CPE: variants seen among roughly 807,000 people sequenced by gnomAD.
The protein encoded by CPE is carbocypeptidase E.
A neutral mutation model predicts 53.5 loss-of-function variants in CPE; 17 were observed. The observed-to-expected ratio is 0.32, with a 90% CI of 0.22 to 0.48. The LOEUF (loss-of-function observed/expected upper bound fraction) is 0.48, where lower values mean the gene tolerates loss of function less well. CPE is among the 20% of genes least tolerant of loss of function. CPE has a pLI of 0.99. For synonymous variants in CPE, 226 were observed against 228.8 expected, an observed-to-expected ratio of 0.99 and a Z score of 0.11; for missense variants, 524 against 614.7, an observed-to-expected ratio of 0.85 and a Z score of 1.56.
intron 1 of CPE, among the ~76,000 whole-genome samples, chr4:165,435,326 G>A (rs1247175400): frequency 6.6e-6 from 1 of 152,042 alleles, no homozygotes; most frequent in Non-Finnish European, 1.5e-5. Flanking sequence ...AAGTTGAAAT[G>A]CTAATGCCTT....
At chr4:165,495,999 C>G (rs2126719628) in intron 8 of CPE, among the ~76,000 whole-genome samples, 1 of 152,052 alleles carries the variant, frequency 6.6e-6, no homozygotes, top group East Asian at 1.9e-4. Context: ...AGCGCAGTGC[C>G]TTTCTCAATA....
chr4:165,410,963 A>G (rs185334389), intron 1 of CPE, among the ~76,000 whole-genome samples: 2 of 152,244 alleles, frequency 1.3e-5, no homozygotes, highest in African/African-American at 4.8e-5. Context: ...TAATTTCATG[A>G]CTATATTAGT....
chr4:165,448,143 T>C (rs1211657159), intron 1 of CPE, among the ~76,000 whole-genome samples: 2 of 152,196 alleles, frequency 1.3e-5, no homozygotes. Flanking sequence ...CCCACTATTA[T>C]AAAGAATAAG....
chr4:165,467,985 G>T, intron 3 of CPE, 130 bp downstream of exon 3: 1 of 1,037,092 alleles, frequency 9.6e-7, no homozygotes, highest in Non-Finnish European at 1.4e-6. Context: ...GTGGCTTTAA[G>T]TCAAGGCTGG....
chr4:165,473,211 G>T (rs1368100819), intron 3 of CPE, among the ~76,000 whole-genome samples: 1 of 152,098 alleles, frequency 6.6e-6, no homozygotes, highest in African/African-American at 2.4e-5. Context: ...TGGACTTTCT[G>T]ATTTGTCCCA....
chr4:165,462,142 G>A (rs1732018830), intron 1 of CPE, among the ~76,000 whole-genome samples: 1 of 152,188 alleles, frequency 6.6e-6, no homozygotes, highest in Non-Finnish European at 1.5e-5. Flanking sequence ...TTCTGAGTCT[G>A]AAAATCAGGA....
At chr4:165,434,777 G>A (rs1444526640) in intron 1 of CPE, among the ~76,000 whole-genome samples, 1 of 152,018 alleles carries the variant, frequency 6.6e-6, no homozygotes, top group Admixed American at 6.6e-5. Context: ...GCCATAGCTT[G>A]GTTTGTTTGA....
intron 3 of CPE, among the ~76,000 whole-genome samples, chr4:165,476,162 A>ATTTTTTAATACACT: frequency 6.6e-6 from 1 of 152,308 alleles, no homozygotes; most frequent in Middle Eastern, 3.4e-3. Flanking sequence ...GTGAAAGTGT[A>ATTTTTTAATACACT]TTAAAAAGCT....
intron 1 of CPE, among the ~76,000 whole-genome samples, chr4:165,462,764 G>T (rs928971561): frequency 9.2e-5 from 14 of 152,042 alleles, no homozygotes; most frequent in Admixed American, 9.2e-4. Flanking sequence ...TAAAAACTGA[G>T]GGGGGTATAA....
intron 3 of CPE, among the ~76,000 whole-genome samples, chr4:165,479,076 G>A (rs116688871): frequency 6.6e-6 from 1 of 152,222 alleles, no homozygotes; most frequent in Non-Finnish European, 1.5e-5. Context: ...CAAAGAAGAG[G>A]AGGACTGAAA....
intron 1 of CPE, among the ~76,000 whole-genome samples, chr4:165,436,191 TACACAC>T (rs35269093): frequency 4.7e-5 from 7 of 149,398 alleles, no homozygotes; most frequent in Non-Finnish European, 7.4e-5. Context: ...CCAGCACACA[TACACAC>T]ACACACACAC....
At chr4:165,449,558 G>C (rs1406526574) in intron 1 of CPE, among the ~76,000 whole-genome samples, 2 of 152,270 alleles carry the variant, frequency 1.3e-5, no homozygotes. Flanking sequence ...GTGTTGAAGA[G>C]AGAGTAACAG....
intron 1 of CPE, among the ~76,000 whole-genome samples, chr4:165,384,998 T>G (rs1170616781): frequency 6.6e-6 from 1 of 152,196 alleles, no homozygotes; most frequent in Non-Finnish European, 1.5e-5. Context: ...CACATAATTT[T>G]GATGAAAATG....
intron 1 of CPE, among the ~76,000 whole-genome samples, chr4:165,386,617 A>G (rs1730598003): frequency 6.6e-6 from 1 of 152,212 alleles, no homozygotes; most frequent in African/African-American, 2.4e-5. Context: ...TGTCTTTTCA[A>G]GTTTCAGTGC....
rs576494381 is a variant in CPE at position 165,423,265 on chromosome 4, C to T, written c.308-41125C>T. On this transcript the variant is annotated intron_variant, in intron 1 of 8. Coordinates refer to ENST00000402744, the MANE Select transcript of CPE (RefSeq NM_001873.4). ...TCGTTTTTAGGAATAGAATGGGAGG[C>T]AGGTTTGCCCTAAGCAGTTTCCAGG... Among the ~76,000 whole-genome samples, 3 of 152,248 alleles carry T rather than the reference C, an allele frequency of 2.0e-5. No individual in the cohort carries two copies. The East Asian group carries it at 5.8e-4, about 29-fold the overall frequency.
chr4:165,444,563 T>C (rs1225432204), intron 1 of CPE, among the ~76,000 whole-genome samples: 1 of 151,998 alleles, frequency 6.6e-6, no homozygotes, highest in Admixed American at 6.6e-5. Flanking sequence ...CATTGCAGCA[T>C]TGGAGGTGAT....
At chr4:165,398,878 A>G (rs1354378945) in intron 1 of CPE, among the ~76,000 whole-genome samples, 2 of 152,182 alleles carry the variant, frequency 1.3e-5, no homozygotes, top group African/African-American at 2.4e-5. Context: ...AAAGAATACC[A>G]GGTGATATAC....
At chr4:165,435,280 A>C (rs1241094358) in intron 1 of CPE, among the ~76,000 whole-genome samples, 2 of 152,228 alleles carry the variant, frequency 1.3e-5, no homozygotes, top group African/African-American at 4.8e-5. Context: ...TGAAATGATA[A>C]AGGACCATGA....
At chr4:165,412,884 C>T (rs114324967) in intron 1 of CPE, among the ~76,000 whole-genome samples, 1,792 of 152,280 alleles carry the variant, frequency 0.012, 32 homozygotes, top group African/African-American at 0.04. Context: ...CTTTTTGCAC[C>T]GTTATAACCA....
Sources: allele counts gnomAD v4.1 joint callset (sites outside exome capture counted in the v4.1 genomes callset), GRCh38; gene constraint gnomAD v4.1.1; transcripts MANE v1.5; gene names NCBI Gene and HGNC (gene_info 2026-07-23, HGNC 2026-07-21).